GRIA2: variants seen among roughly 807,000 people sequenced by gnomAD.
The protein encoded by GRIA2 is glutamate ionotropic receptor AMPA type subunit 2.
Under a neutral mutation model 97.3 loss-of-function variants are expected in GRIA2, and 14 were observed. The ratio of observed to expected loss-of-function variants is 0.14; its 90% CI spans 0.10 to 0.23. The LOEUF is 0.23. GRIA2 is among the 10% of genes least tolerant of loss of function. The probability of loss-of-function intolerance (pLI) is 1.00; values close to 1 mark genes in which losing one functional copy is unlikely to be tolerated. For synonymous variants in GRIA2, 412 were observed against 387.8 expected (o/e 1.06, Z -0.73); for missense variants, 558 against 1,069.8 (o/e 0.52, Z 6.67).
chr4:157,301,956 C>T (rs1733634688), intron 2 of GRIA2, among the ~76,000 whole-genome samples: 1 of 151,858 alleles, frequency 6.6e-6, no homozygotes, highest in Non-Finnish European at 1.5e-5. Flanking sequence ...TGGTGGATCA[C>T]GAGGTCAGGA....
At chr4:157,342,488 A>C in intron 12 of GRIA2, 1 of 981,224 alleles carries the variant, frequency 1.0e-6, no homozygotes, top group African/African-American at 1.7e-5. Context: ...CCTCAATATA[A>C]GTGCAAAAAT....
At chr4:157,245,088 A>G (rs914284019) in intron 2 of GRIA2, among the ~76,000 whole-genome samples, 1 of 152,102 alleles carries the variant, frequency 6.6e-6, no homozygotes, top group African/African-American at 2.4e-5. Context: ...ATGGACAAAA[A>G]CAGGCATCTA....
At chr4:157,273,087 A>C (rs1295037709) in intron 2 of GRIA2, among the ~76,000 whole-genome samples, 1 of 152,088 alleles carries the variant, frequency 6.6e-6, no homozygotes, top group Non-Finnish European at 1.5e-5. Flanking sequence ...GATACAAATA[A>C]AAATATACTA....
At chr4:157,295,455 T>G (rs887569580) in intron 2 of GRIA2, among the ~76,000 whole-genome samples, 3 of 152,162 alleles carry the variant, frequency 2.0e-5, no homozygotes, top group African/African-American at 7.2e-5. Context: ...TTCTTTGCAT[T>G]TCCTCTGAAT....
intron 2 of GRIA2, among the ~76,000 whole-genome samples, chr4:157,293,930 A>G (rs1733221652): frequency 6.6e-6 from 1 of 152,142 alleles, no homozygotes; most frequent in Admixed American, 6.6e-5. Flanking sequence ...TTAGAGATGA[A>G]TGCTAATGGC....
chr4:157,354,712 G>C (rs954355286), intron 12 of GRIA2, among the ~76,000 whole-genome samples: 6 of 152,106 alleles, frequency 3.9e-5, no homozygotes, highest in Non-Finnish European at 8.8e-5. Flanking sequence ...CAAAAATGAA[G>C]TTTATTTAGC....
intron 2 of GRIA2, among the ~76,000 whole-genome samples, chr4:157,240,056 G>C (rs972607457): frequency 6.6e-6 from 1 of 151,720 alleles, no homozygotes; most frequent in Non-Finnish European, 1.5e-5. Context: ...ATTATTTCTT[G>C]ACTTATTTCT....
intron 2 of GRIA2, among the ~76,000 whole-genome samples, chr4:157,255,015 T>C (rs1240184339): frequency 6.6e-6 from 1 of 152,048 alleles, no homozygotes; most frequent in Non-Finnish European, 1.5e-5. Context: ...GGGCTTTTAG[T>C]GTAACCATCA....
chr4:157,314,825 C>T (rs896005939), intron 4 of GRIA2, among the ~76,000 whole-genome samples: 4 of 152,052 alleles, frequency 2.6e-5, no homozygotes, highest in Non-Finnish European at 5.9e-5. Flanking sequence ...TGAGCACATG[C>T]AATGGATGGC....
intron 2 of GRIA2, among the ~76,000 whole-genome samples, chr4:157,298,703 C>A (rs142448278): frequency 7.4e-6 from 1 of 135,220 alleles, no homozygotes; most frequent in Non-Finnish European, 1.5e-5. Context: ...TGTGGAACAC[C>A]AAAACATAGT....
intron 4 of GRIA2, among the ~76,000 whole-genome samples, chr4:157,313,847 A>T (rs1734195825): frequency 6.6e-6 from 1 of 152,134 alleles, no homozygotes; most frequent in African/African-American, 2.4e-5. Flanking sequence ...GAAGCCTTAC[A>T]GATAACACAC....
chr4:157,248,515 C>CTA (rs1421583421), intron 2 of GRIA2, among the ~76,000 whole-genome samples: 74 of 38,320 alleles, frequency 1.9e-3, no homozygotes, highest in African/African-American at 5.5e-3. Context: ...TTCAGTGAGC[C>CTA]TATATATATA....
chr4:157,331,535 A>G (rs1264078956), intron 6 of GRIA2, among the ~76,000 whole-genome samples: 1 of 152,040 alleles, frequency 6.6e-6, no homozygotes, highest in Non-Finnish European at 1.5e-5. Context: ...ATAAAAACAA[A>G]TTAATCAATT....
At chr4:157,327,060 T>C (rs1247133554) in intron 6 of GRIA2, among the ~76,000 whole-genome samples, 2 of 152,198 alleles carry the variant, frequency 1.3e-5, no homozygotes, top group African/African-American at 4.8e-5. Flanking sequence ...TCTTAATTTC[T>C]TCATAAATGA....
intron 2 of GRIA2, among the ~76,000 whole-genome samples, chr4:157,272,728 C>G (rs565524771): frequency 2.6e-5 from 4 of 152,166 alleles, no homozygotes; most frequent in African/African-American, 9.6e-5. Flanking sequence ...AACTACTTCA[C>G]CAAAGCCTGA....
Position 157,362,431 on chromosome 4 carries a change from A to G in GRIA2, c.2407-368A>G, listed in dbSNP as rs1401888302. On this transcript the variant is annotated intron_variant, in intron 14 of 15. Transcript: ENST00000264426. ...TTTAGCCCTGTTCGCTGTCAGCTTT[A>G]CCAGATTATTTATAGGATGAAGAAA... is the stretch of plus-strand genomic sequence containing the variant. 6.5e-6 allele frequency: 3 copies of G among 462,800 alleles called. No homozygotes were observed. The East Asian group carries it at 2.0e-4, about 31-fold the overall frequency. 28.7% of individuals were successfully genotyped at this position (462,800 alleles called of 1,614,324 possible).
At chr4:157,252,052 C>T (rs1731043282) in intron 2 of GRIA2, among the ~76,000 whole-genome samples, 1 of 152,114 alleles carries the variant, frequency 6.6e-6, no homozygotes, top group African/African-American at 2.4e-5. Flanking sequence ...TCATCTTCAT[C>T]CCTGCCACAC....
intron 2 of GRIA2, among the ~76,000 whole-genome samples, chr4:157,272,759 G>C (rs1244944036): frequency 6.6e-6 from 1 of 152,046 alleles, no homozygotes; most frequent in Non-Finnish European, 1.5e-5. Context: ...GTTTCTCAGA[G>C]CCCAGCTGAC....
In GRIA2 at chr4:157,331,940, A is replaced by AT. The variant is rs200706995; in HGVS notation, c.883-872dup. Among the ~76,000 whole-genome samples, 363 of 152,114 alleles carry AT rather than the reference A, an allele frequency of 2.4e-3. 3 individuals are homozygous for AT. Among genetic ancestry groups the AT allele is most frequent in the African/African-American group, 8.3e-3 (344 of 41,532 alleles). ...CAAAGTCAGTATGGTACAGTACTGC[A>AT]TTTTTTTCTCCCAAGCTTCGCCGTA... On this transcript the variant is annotated intron_variant, in intron 6 of 15. Transcript: ENST00000264426.
Sources: gnomAD v4.1 joint callset for allele counts (sites outside exome capture counted in the v4.1 genomes callset) on GRCh38, gnomAD v4.1.1 for gene constraint, MANE v1.5 for transcripts, NCBI Gene and HGNC (gene_info 2026-07-23, HGNC 2026-07-21) for gene names.